Variants in FRMPD2 observed in about 807,000 individuals in gnomAD.
FRMPD2 encodes the protein FERM and PDZ domain containing 2.
FRMPD2 carries 96 observed loss-of-function variants against 140.1 expected under a neutral mutation model. That is an observed-to-expected ratio of 0.69 (90% CI 0.58 to 0.81). FRMPD2 has a LOEUF of 0.81. FRMPD2 is among the 40% of genes least tolerant of loss of function. The pLI is 0.00. For missense variants in FRMPD2, 1,240 were observed against 1,447.4 expected (o/e 0.86, Z 2.32); for synonymous variants, 449 against 547.6 (o/e 0.82, Z 2.52).
chr10:48,249,008 C>T lies in FRMPD2; in HGVS notation c.309+13G>A, dbSNP rs1840315714. 6.3e-7 allele frequency: 1 copy of T among 1,599,290 alleles called. No homozygotes were observed. Among genetic ancestry groups the T allele is most frequent in the South Asian group, 1.1e-5 (1 of 89,194 alleles). Reference sequence around the variant, plus strand: ...ACAGGACTCAGAAGTTGCAGAGTAGCTGCACAGCTTACCTGAGATGCATCA... The same window carrying T: ...ACAGGACTCAGAAGTTGCAGAGTAGTTGCACAGCTTACCTGAGATGCATCA... On this transcript the variant is annotated intron_variant, in intron 3 of 28. Transcript: ENST00000374201.
intron 27 of FRMPD2, 37 bp from the exon 28 acceptor site, chr10:48,163,708 A>C (rs782133687): frequency 1.4e-6 from 2 of 1,452,452 alleles, no homozygotes; most frequent in Non-Finnish European, 1.9e-6. Context: ...TGGCTGCGGG[A>C]TGCACATTGT....
chr10:48,213,697 A>G (rs1588833788), intron 12 of FRMPD2, among the ~76,000 whole-genome samples: 2 of 152,248 alleles, frequency 1.3e-5, no homozygotes, highest in East Asian at 3.8e-4. Flanking sequence ...TCTGAAATGC[A>G]TATTACTAGG....
At chr10:48,182,785 A>C (rs1435859044) in intron 20 of FRMPD2, among the ~76,000 whole-genome samples, 1 of 152,236 alleles carries the variant, frequency 6.6e-6, no homozygotes, top group African/African-American at 2.4e-5. Context: ...ACAGCAGGCC[A>C]TCCTTGGACT....
chr10:48,206,057 G>A (rs1336265071), intron 14 of FRMPD2, among the ~76,000 whole-genome samples: 2 of 152,100 alleles, frequency 1.3e-5, no homozygotes, highest in African/African-American at 2.4e-5. Context: ...AAGTGACACA[G>A]GTACTGACTA....
intron 12 of FRMPD2, among the ~76,000 whole-genome samples, chr10:48,213,230 A>G (rs1264659393): frequency 6.6e-6 from 1 of 152,226 alleles, no homozygotes; most frequent in Non-Finnish European, 1.5e-5. Flanking sequence ...TTTTGAGCTC[A>G]GCTCCACCAC....
chr10:48,159,758 C>A (rs1285550933), intron 28 of FRMPD2, among the ~76,000 whole-genome samples: 1 of 151,546 alleles, frequency 6.6e-6, no homozygotes, highest in Non-Finnish European at 1.5e-5. Flanking sequence ...GTGCATTTTA[C>A]TTACATGAGT....
intron 13 of FRMPD2, among the ~76,000 whole-genome samples, chr10:48,207,926 A>T (rs1839238705): frequency 6.6e-6 from 1 of 152,138 alleles, no homozygotes; most frequent in African/African-American, 2.4e-5. Context: ...ACCGTTGATG[A>T]AGTCCATGCA....
At chr10:48,216,878 A>G (rs1210767650) in intron 12 of FRMPD2, among the ~76,000 whole-genome samples, 2 of 152,156 alleles carry the variant, frequency 1.3e-5, no homozygotes, top group East Asian at 3.9e-4. Context: ...GGACTTCCCA[A>G]TGTAGCACCA....
In FRMPD2 at chr10:48,249,144, G is replaced by C; in HGVS notation, c.186C>G (p.Ala62=). ...SSDYVVCPWS[A]LLSAAGSLSF... ...AAAGGCTTCCAGCTGCAGAAAGCAGGGCTGACCAGGGGCAAACCACATAGT... is the reference window on the plus strand; with the variant it reads ...AAAGGCTTCCAGCTGCAGAAAGCAGCGCTGACCAGGGGCAAACCACATAGT... Residue 62 remains alanine (A), a synonymous_variant, in exon 3 of 29, where the codon GCC becomes GCG. Coordinates refer to ENST00000374201, the MANE Select transcript of FRMPD2 (RefSeq NM_001018071.4). 6.2e-7 allele frequency: 1 copy of C among 1,614,118 alleles called. No homozygotes were observed. Among genetic ancestry groups the C allele is most frequent in the South Asian group, 1.1e-5 (1 of 91,062 alleles).
intron 15 of FRMPD2, among the ~76,000 whole-genome samples, chr10:48,198,472 G>A (rs996038884): frequency 1.3e-5 from 2 of 152,144 alleles, no homozygotes; most frequent in African/African-American, 2.4e-5. Flanking sequence ...GTGAACAAAT[G>A]TGAACCTGAA....
At chr10:48,249,529 C>G (rs541137809) in intron 2 of FRMPD2, among the ~76,000 whole-genome samples, 8 of 152,146 alleles carry the variant, frequency 5.3e-5, no homozygotes, top group Non-Finnish European at 7.3e-5. Flanking sequence ...CTGGGAGCTC[C>G]GTAGCTGTTC....
chr10:48,225,040 C>A (rs115494348), intron 10 of FRMPD2, among the ~76,000 whole-genome samples: 2,067 of 152,200 alleles, frequency 0.014, 37 homozygotes, highest in African/African-American at 0.046. Flanking sequence ...AATAATCATA[C>A]AAGTTCGTGA....
At chr10:48,239,385 A>G (rs1040664043) in intron 7 of FRMPD2, among the ~76,000 whole-genome samples, 4 of 152,350 alleles carry the variant, frequency 2.6e-5, no homozygotes, top group South Asian at 2.1e-4. Context: ...TCCCAGAGGA[A>G]ACAGGATGCC....
chr10:48,181,984 T>G (rs1188587896), intron 20 of FRMPD2, among the ~76,000 whole-genome samples: 1 of 151,344 alleles, frequency 6.6e-6, no homozygotes, highest in Non-Finnish European at 1.5e-5. Flanking sequence ...TATTAGCTGC[T>G]CCACAAATAT....
intron 14 of FRMPD2, among the ~76,000 whole-genome samples, chr10:48,203,218 C>A (rs544261138): frequency 6.6e-6 from 1 of 152,312 alleles, no homozygotes; most frequent in African/African-American, 2.4e-5. Context: ...TATAAACTCT[C>A]AGCAAAACTC....
intron 9 of FRMPD2, among the ~76,000 whole-genome samples, chr10:48,236,045 T>C (rs951409617): frequency 1.1e-4 from 17 of 148,098 alleles, no homozygotes; most frequent in African/African-American, 4.0e-4. Context: ...CCCTTCTTCG[T>C]TGTTTTTTTG....
chr10:48,270,767 T>C (rs1016618353), intron 1 of FRMPD2, among the ~76,000 whole-genome samples: 2 of 151,810 alleles, frequency 1.3e-5, no homozygotes, highest in African/African-American at 4.8e-5. Flanking sequence ...ACCTAACCCC[T>C]CAAGCCAAAC....
At chr10:48,239,567 C>T (rs766236784) in intron 7 of FRMPD2, 38 bp downstream of exon 7, 7 of 1,495,442 alleles carry the variant, frequency 4.7e-6, no homozygotes, top group Non-Finnish European at 5.6e-6. Context: ...CTATGTCTCA[C>T]ATCAAGTTCA....
chr10:48,266,732 C>T (rs553699051), intron 1 of FRMPD2, among the ~76,000 whole-genome samples: 2 of 152,384 alleles, frequency 1.3e-5, no homozygotes, highest in African/African-American at 4.8e-5. Context: ...TCATTCCCAC[C>T]TAGTGGTGAC....
Sources: gnomAD v4.1 joint callset for allele counts (sites outside exome capture counted in the v4.1 genomes callset) on GRCh38, gnomAD v4.1.1 for gene constraint, MANE v1.5 for transcripts, NCBI Gene and HGNC (gene_info 2026-07-23, HGNC 2026-07-21) for gene names.